Variants in DNAH6 observed in about 807,000 individuals in gnomAD.
DNAH6 encodes dynein axonemal heavy chain 6.
DNAH6 carries 340 observed loss-of-function variants against 491.4 expected under a neutral mutation model. The observed-to-expected ratio is 0.69, with a 90% CI of 0.63 to 0.76. DNAH6 has a LOEUF of 0.76. Ranked by LOEUF, DNAH6 falls within the 30% of genes least tolerant of loss-of-function variation. The pLI is 0.00. For synonymous variants in DNAH6, 1,603 were observed against 1,686.1 expected (o/e 0.95, Z 1.21); for missense variants, 4,443 against 4,972.2 (o/e 0.89, Z 3.20).
chr2:84,546,832 G>A (rs1678843611), intron 5 of DNAH6, among the ~76,000 whole-genome samples: 1 of 152,144 alleles, frequency 6.6e-6, no homozygotes, highest in Non-Finnish European at 1.5e-5. Flanking sequence ...GTTTTCCAAA[G>A]CAACTTGTTA....
At chr2:84,491,253 G>C in the DNAH6 span, among the ~76,000 whole-genome samples, 1 of 152,272 alleles carries the variant, frequency 6.6e-6, no homozygotes, top group Middle Eastern at 3.4e-3. Flanking sequence ...GTGAGTTCCA[G>C]TTTCAACTAT....
At chr2:84,625,358 A>T (rs543344119) in intron 29 of DNAH6, among the ~76,000 whole-genome samples, 2 of 152,332 alleles carry the variant, frequency 1.3e-5, no homozygotes, top group South Asian at 4.1e-4. Context: ...AAGATAGAAT[A>T]GCAGGGAAAC....
intron 63 of DNAH6, among the ~76,000 whole-genome samples, chr2:84,749,385 G>A (rs545005297): frequency 1.3e-5 from 2 of 152,328 alleles, no homozygotes; most frequent in African/African-American, 4.8e-5. Flanking sequence ...GATGTAGTTA[G>A]ACTAGGGATG....
chr2:84,646,444 C>T (rs111994004), intron 33 of DNAH6, among the ~76,000 whole-genome samples: 1 of 151,634 alleles, frequency 6.6e-6, no homozygotes. Context: ...AACGATTAAG[C>T]TTAGTGAGGA....
intron 12 of DNAH6, 107 bp from the exon 13 acceptor site, chr2:84,577,150 C>T (rs1682524646): frequency 4.8e-6 from 3 of 626,370 alleles, no homozygotes; most frequent in Admixed American, 3.6e-5. Flanking sequence ...TAACATTATA[C>T]ATATATGTGT....
At chr2:84,645,257 TA>T (rs529939507) in intron 33 of DNAH6, among the ~76,000 whole-genome samples, 1,590 of 152,150 alleles carry the variant, frequency 0.01, 15 homozygotes, top group Non-Finnish European at 0.017. Flanking sequence ...CTGTCTGTAC[TA>T]AAAATACAAA....
Position 84,727,722 on chromosome 2 carries a change from C to T in DNAH6, c.10026C>T (p.Arg3342=). The change falls in exon 61 of 77, where the codon CGC becomes CGT. Residue 3342 remains arginine, a synonymous_variant. Coordinates refer to ENST00000389394, the MANE Select transcript of DNAH6 (RefSeq NM_001370.2). ...TAAAGACAGAAAATCTACAACAGCG[C>T]CTGGACGTACTACTAGAACAAACTC... ...TSVKTENLQQ[R]LDVLLEQTLL... is the part of the protein sequence containing the mutation. The T allele has an allele frequency of 1.9e-6, 3 of 1,551,580 alleles. No individual in the cohort carries two copies. The East Asian group carries it at 7.3e-5, about 38-fold the overall frequency.
In DNAH6 at chr2:84,552,992, A is replaced by T; in HGVS notation, c.1560A>T (p.Thr520=). Reference sequence around the variant, plus strand: ...TGTTTCTCACAGAACTAATGTTGACAGTCCAGTCACTGCTCTTTGAGCCTT... The same window carrying T: ...TGTTTCTCACAGAACTAATGTTGACTGTCCAGTCACTGCTCTTTGAGCCTT... ...IPMFLTELML[T]VQSLLFEPSL... is the part of the protein sequence containing the mutation. The change falls in exon 10 of 77, where the codon ACA becomes ACT. Residue 520 remains threonine (T), a synonymous_variant. Coordinates refer to ENST00000389394, the MANE Select transcript of DNAH6 (RefSeq NM_001370.2). 1 of 1,611,426 alleles carries T rather than the reference A, an allele frequency of 6.2e-7. No individual in the cohort carries two copies. The highest frequency in any genetic ancestry group is 1.1e-5 in the South Asian group (1 of 90,472).
At chr2:84,477,264 A>G in the DNAH6 span, among the ~76,000 whole-genome samples, 10 of 152,290 alleles carry the variant, frequency 6.6e-5, no homozygotes, top group African/African-American at 2.2e-4. Flanking sequence ...TAGCATTTAT[A>G]TGGAACATGT....
chr2:84,721,594 C>T (rs977284357), intron 59 of DNAH6, among the ~76,000 whole-genome samples: 82 of 152,192 alleles, frequency 5.4e-4, no homozygotes, highest in African/African-American at 1.9e-3. Context: ...TCCAAAGAAA[C>T]AAAATATCTC....
the DNAH6 span, among the ~76,000 whole-genome samples, chr2:84,489,826 C>T: frequency 6.6e-6 from 1 of 152,174 alleles, no homozygotes; most frequent in Non-Finnish European, 1.5e-5. Flanking sequence ...GTTGTTAGAC[C>T]TCATCCCCAG....
At chr2:84,635,591 A>G (rs995289552) in intron 30 of DNAH6, among the ~76,000 whole-genome samples, 1 of 152,154 alleles carries the variant, frequency 6.6e-6, no homozygotes, top group Non-Finnish European at 1.5e-5. Context: ...ATATGGAGTA[A>G]GGGGACAGGG....
At chr2:84,693,290 G>C (rs181583690) in intron 45 of DNAH6, among the ~76,000 whole-genome samples, 1 of 151,958 alleles carries the variant, frequency 6.6e-6, no homozygotes, top group Non-Finnish European at 1.5e-5. Context: ...TACTTTTCCT[G>C]TTCAACTCTC....
At chr2:84,546,452 A>G (rs1678799767) in intron 5 of DNAH6, among the ~76,000 whole-genome samples, 1 of 152,190 alleles carries the variant, frequency 6.6e-6, no homozygotes, top group Admixed American at 6.6e-5. Context: ...CGACCCTACT[A>G]AATTTTTAAT....
intron 11 of DNAH6, among the ~76,000 whole-genome samples, chr2:84,570,548 A>G (rs762223128): frequency 2.0e-5 from 3 of 152,136 alleles, no homozygotes; most frequent in Non-Finnish European, 4.4e-5. Context: ...AAATGCACCA[A>G]TCAGTGCTCT....
intron 29 of DNAH6, among the ~76,000 whole-genome samples, chr2:84,630,294 C>T (rs544250140): frequency 1.5e-4 from 23 of 152,128 alleles, no homozygotes; most frequent in African/African-American, 4.1e-4. Context: ...TTATAATGGA[C>T]GAATCAGACT....
intron 68 of DNAH6, among the ~76,000 whole-genome samples, chr2:84,792,541 A>G (rs1416018444): frequency 6.6e-6 from 1 of 152,170 alleles, no homozygotes; most frequent in African/African-American, 2.4e-5. Flanking sequence ...GATACCAATT[A>G]TACCTCAATA....
Position 84,699,605 on chromosome 2 carries a change from C to CT in DNAH6, c.7692dup (p.Ile2565TyrfsTer38). ...TTTCTTTTTGTCAGGTGTTTCAATACTTTATCAGCAAAGTGCGTCAGAAGC... is the reference window on the plus strand; with the variant it reads ...TTTCTTTTTGTCAGGTGTTTCAATACTTTTATCAGCAAAGTGCGTCAGAAGC... On this transcript the variant is annotated frameshift_variant, in exon 48 of 77. Transcript: ENST00000389394. LOFTEE classifies it high-confidence loss of function. 1 of 1,549,156 alleles carries CT rather than the reference C, an allele frequency of 6.5e-7. No homozygotes were observed. The highest frequency in any genetic ancestry group is 8.7e-7 in the Non-Finnish European group (1 of 1,146,226).
intron 76 of DNAH6, among the ~76,000 whole-genome samples, chr2:84,818,524 A>C (rs907080672): frequency 3.3e-5 from 5 of 150,264 alleles, no homozygotes; most frequent in South Asian, 2.1e-4. Flanking sequence ...GGGAAAAAAA[A>C]CCTCAAACCT....
Sources: gnomAD v4.1 joint callset for allele counts (sites outside exome capture counted in the v4.1 genomes callset) on GRCh38, gnomAD v4.1.1 for gene constraint, MANE v1.5 for transcripts, NCBI Gene and HGNC (gene_info 2026-07-23, HGNC 2026-07-21) for gene names.